The following ALDH1A3 variants were observed in gnomAD, a reference collection of about 807,000 sequenced individuals.
ALDH1A3 encodes the protein retinaldehyde dehydrogenase 3.
In ALDH1A3, 28 loss-of-function variants were observed where a neutral mutation model predicts 57.5. The observed-to-expected ratio is 0.49, with a 90% CI of 0.36 to 0.67. The LOEUF is 0.67. Ranked by LOEUF, ALDH1A3 falls within the 30% of genes least tolerant of loss-of-function variation. The pLI is 0.00. For missense variants in ALDH1A3, 507 were observed against 669.4 expected (o/e 0.76, Z 2.68); for synonymous variants, 281 against 264.8 (o/e 1.06, Z -0.59).
intron 1 of ALDH1A3, chr15:100,880,230 GA>G (rs1216211397): frequency 2.5e-6 from 1 of 395,220 alleles, no homozygotes; most frequent in African/African-American, 2.1e-5. Flanking sequence ...TCGAAGCCGG[GA>G]AACCGAGGCC....
chr15:100,882,023 T>C (rs1194113939), intron 1 of ALDH1A3, among the ~76,000 whole-genome samples: 1 of 152,042 alleles, frequency 6.6e-6, no homozygotes, highest in Non-Finnish European at 1.5e-5. Flanking sequence ...TAAACTGAAG[T>C]GCAGGACTGA....
chr15:100,880,038 G>T (rs1387580254), intron 1 of ALDH1A3, 32 bp downstream of exon 1: 2 of 1,418,218 alleles, frequency 1.4e-6, no homozygotes, highest in African/African-American at 1.5e-5. Flanking sequence ...CCCGACGGCC[G>T]CGGGCCCCTG....
rs28615197 is a variant in ALDH1A3, at chr15:100,888,079, A to T, written c.345+367A>T. On this transcript the variant is annotated intron_variant, in intron 3 of 12. Transcript: ENST00000329841. ...TACTTAACTTTTTTCTTTTTTGTAT[A>T]AACTTCCTTTTATTTATTTTATTTT... Among the ~76,000 whole-genome samples, 1,061 of 152,066 alleles carry T rather than the reference A, an allele frequency of 7.0e-3. 16 individuals are homozygous for T. The highest frequency in any genetic ancestry group is 0.023 in the East Asian group (117 of 5,180).
Position 100,915,592 on chromosome 15 carries a change from A to G in ALDH1A3, c.*819A>G, listed in dbSNP as rs1438777298. On this transcript the variant is annotated 3_prime_UTR_variant, in exon 13 of 13. Transcript: ENST00000329841. ...ACGCCACAACAGCATAGCAAATCCT[A>G]GGATAATTCACCTCCTCATTTGACA... The G allele has an allele frequency of 6.6e-6, 1 of 152,252 alleles. No homozygotes were observed. Among genetic ancestry groups the G allele is most frequent in the Non-Finnish European group, 1.5e-5 (1 of 68,050 alleles). The allele number at this position is 152,252 out of a possible 1,614,324, so 9.4% of individuals were successfully genotyped here. A position where few individuals can be genotyped will look rare whatever the true frequency, so the allele number is the denominator to read the frequency against.
intron 1 of ALDH1A3, among the ~76,000 whole-genome samples, chr15:100,882,889 A>G (rs1183848313): frequency 6.6e-6 from 1 of 152,254 alleles, no homozygotes; most frequent in African/African-American, 2.4e-5. Flanking sequence ...CAACAGTAGA[A>G]ACCACTTACA....
rs757881921 is a variant in ALDH1A3, at chr15:100,908,500, T to A, written c.1466+18T>A. On this transcript the variant is annotated intron_variant, in intron 12 of 12. Transcript: ENST00000329841. Reference sequence around the variant, plus strand: ...AGAGAACTGTAAGTGTTTCCATCATTCTGAGCCTGCCGTGGGCTGAACACT... The same window carrying A: ...AGAGAACTGTAAGTGTTTCCATCATACTGAGCCTGCCGTGGGCTGAACACT... 6.2e-7 allele frequency: 1 copy of A among 1,601,106 alleles called. No individual in the cohort carries two copies.
chr15:100,879,947 G>A lies in ALDH1A3; in HGVS notation c.40G>A (p.Asp14Asn), dbSNP rs933582510. The change falls in exon 1 of 13, where the codon GAC (aspartate) becomes AAC (asparagine). Residue 14 changes from aspartate (D) to asparagine (N), a missense_variant. This residue lies in a region of ALDH1A3 where 75 missense variants were observed against 61.0 expected (regional missense o/e 1.23). Coordinates refer to ENST00000329841, the MANE Select transcript of ALDH1A3 (RefSeq NM_000693.4). ...CGGGGCCGTGGAAAACGGGCAGCCG[G>A]ACAGGAAGCCGCCGGCCCTGCCGCG... ...ANGAVENGQP[D>N]RKPPALPRPI... is the part of the protein sequence containing the mutation. 12 of 1,472,364 alleles carry A rather than the reference G, an allele frequency of 8.2e-6. No homozygotes were observed. Among genetic ancestry groups the A allele is most frequent in the Non-Finnish European group, 1.1e-5 (12 of 1,110,588 alleles). 91.2% of individuals were successfully genotyped at this position (1,472,364 alleles called of 1,614,324 possible).
rs1172567599 is a variant in ALDH1A3, at chr15:100,885,359, A to G, written c.192A>G (p.Glu64=). The G allele has an allele frequency of 6.2e-7, 1 of 1,609,110 alleles. No individual in the cohort carries two copies. Among genetic ancestry groups the G allele is most frequent in the Admixed American group, 1.7e-5 (1 of 60,020 alleles). Residue 64 remains glutamate, a synonymous_variant, in exon 2 of 13, where the codon GAA becomes GAG. Coordinates refer to ENST00000329841, the MANE Select transcript of ALDH1A3 (RefSeq NM_000693.4). ...PSTREQICEV[E]EGDKPDVDKA... is the part of the protein sequence containing the mutation. ...CTCGGGAGCAAATATGTGAAGTGGA[A>G]GAAGGAGATAAGGTAAATACTTAAA...
In ALDH1A3 at chr15:100,893,055, C is replaced by G. The variant is rs1273605295; in HGVS notation, c.537+49C>G. 6.6e-7 allele frequency: 1 copy of G among 1,523,510 alleles called. No homozygotes were observed. The highest frequency in any genetic ancestry group is 1.4e-5 in the African/African-American group (1 of 72,866). 94.4% of individuals were successfully genotyped at this position (1,523,510 alleles called of 1,614,324 possible). ...TAGATTCTATGTAGATCCTGCCCCA[C>G]TGCCCTGTGTCCTTTGGAATCAATT... On this transcript the variant is annotated intron_variant, in intron 5 of 12. Transcript: ENST00000329841. This position sits in a 1 kb window ranked among gnomAD's most constrained non-coding sequence, Gnocchi z 4.8.
chr15:100,892,482 C>T (rs748148109), intron 3 of ALDH1A3, 28 bp from the exon 4 acceptor site: 22 of 1,608,456 alleles, frequency 1.4e-5, no homozygotes, highest in South Asian at 7.8e-5. Flanking sequence ...AAGCTATGTC[C>T]GAAACAGACA....
Position 100,907,038 on chromosome 15 carries a change from T to C in ALDH1A3, c.1234-83T>C, listed in dbSNP as rs183969271. On this transcript the variant is annotated intron_variant, in intron 10 of 12. Coordinates refer to ENST00000329841, the MANE Select transcript of ALDH1A3 (RefSeq NM_000693.4). ...GTGTGCTCTGGGCATATGAAAAACA[T>C]GTAAAGAGAAGGAAATGCTTGTTCA... 29 of 1,482,762 alleles carry C rather than the reference T, an allele frequency of 2.0e-5. No individual in the cohort carries two copies. In the South Asian group the frequency reaches 3.1e-4, roughly 16 times the overall value. The allele number at this position is 1,482,762 out of a possible 1,614,324, so 91.9% of individuals were successfully genotyped here.
intron 9 of ALDH1A3, 56 bp from the exon 10 acceptor site, chr15:100,905,467 A>G (rs2041812834): frequency 1.9e-6 from 3 of 1,609,676 alleles, no homozygotes; most frequent in South Asian, 1.1e-5. Context: ...AAAACATGAG[A>G]TGGCAGCCAC....
At chr15:100,914,103 C>G (rs7181897) in intron 12 of ALDH1A3, 4,397 of 152,654 alleles carry the variant, frequency 0.029, 213 homozygotes, top group African/African-American at 0.097. Flanking sequence ...CCCATGTCCA[C>G]TCTGTGCTAA....
chr15:100,885,192 C>A, intron 1 of ALDH1A3, 75 bp from the exon 2 acceptor site: 2 of 1,054,084 alleles, frequency 1.9e-6, no homozygotes, highest in Non-Finnish European at 3.0e-6. Flanking sequence ...TAAGACGTCA[C>A]CTAAGGTCCT....
chr15:100,908,471 T>C lies in ALDH1A3; in HGVS notation c.1455T>C (p.Asn485=), dbSNP rs777285496. The change falls in exon 12 of 13, where the codon AAT becomes AAC. Residue 485 remains asparagine, a synonymous_variant. Coordinates refer to ENST00000329841, the MANE Select transcript of ALDH1A3 (RefSeq NM_000693.4). ...APFGGFKMSG[N]GRELGEYALA... The stretch of plus-strand genomic sequence containing the variant: ...TTGGTGGCTTTAAAATGTCAGGAAA[T>C]GGCAGAGAACTGTAAGTGTTTCCAT... 1 of 1,612,832 alleles carries C rather than the reference T, an allele frequency of 6.2e-7. No individual in the cohort carries two copies. The highest frequency in any genetic ancestry group is 1.7e-5 in the Admixed American group (1 of 60,020).
At chr15:100,899,735 C>A (rs966482042) in intron 8 of ALDH1A3, among the ~76,000 whole-genome samples, 1 of 152,178 alleles carries the variant, frequency 6.6e-6, no homozygotes, top group African/African-American at 2.4e-5. Context: ...TGCTGTCCTG[C>A]TGCCACTGAA....
At chr15:100,882,144 T>G (rs1277247182) in intron 1 of ALDH1A3, among the ~76,000 whole-genome samples, 1 of 152,248 alleles carries the variant, frequency 6.6e-6, no homozygotes, top group Admixed American at 6.5e-5. Context: ...CTCATGGTGC[T>G]TCTCGATAAT....
At chr15:100,882,710 C>G (rs1406345916) in intron 1 of ALDH1A3, among the ~76,000 whole-genome samples, 1 of 152,230 alleles carries the variant, frequency 6.6e-6, no homozygotes, top group African/African-American at 2.4e-5. Flanking sequence ...TGCTATACCT[C>G]TATAAGGTTT....
intron 11 of ALDH1A3, 47 bp downstream of exon 11, chr15:100,907,325 C>A: frequency 6.3e-7 from 1 of 1,580,640 alleles, no homozygotes; most frequent in Non-Finnish European, 8.6e-7. Context: ...TTGCTTCTTG[C>A]TAAGTTCATT....
Sources: allele counts gnomAD v4.1 joint callset (sites outside exome capture counted in the v4.1 genomes callset), GRCh38; gene constraint gnomAD v4.1.1; regional missense constraint gnomAD v4.1.1; non-coding constraint Gnocchi (gnomAD v3.1); transcripts MANE v1.5; gene names NCBI Gene and HGNC (gene_info 2026-07-23, HGNC 2026-07-21).